The following ZRANB3 variants were observed in gnomAD, a reference collection of about 807,000 sequenced individuals.
The protein encoded by ZRANB3 is DNA annealing helicase and endonuclease ZRANB3.
Under a neutral mutation model 133.8 loss-of-function variants are expected in ZRANB3, and 125 were observed. The ratio of observed to expected loss-of-function variants is 0.93; its 90% confidence interval spans 0.81 to 1.08. ZRANB3 has a LOEUF of 1.08. ZRANB3 is among the 50% of genes least tolerant of loss of function. The pLI is 0.00. For missense variants in ZRANB3, 1,229 were observed against 1,275.5 expected, an observed-to-expected ratio of 0.96 and a Z score of 0.56; for synonymous variants, 387 against 432.7, an observed-to-expected ratio of 0.89 and a Z score of 1.31.
intron 2 of ZRANB3, among the ~76,000 whole-genome samples, chr2:135,436,529 T>G (rs922677914): frequency 7.9e-5 from 12 of 151,980 alleles, no homozygotes; most frequent in African/African-American, 2.4e-4. Flanking sequence ...ACAAAAAGAA[T>G]AAAATACCTA....
chr2:135,220,621 C>A (rs1248197617), intron 15 of ZRANB3, among the ~76,000 whole-genome samples: 1 of 148,120 alleles, frequency 6.8e-6, no homozygotes, highest in Non-Finnish European at 1.5e-5. Context: ...TCGCTTGAAC[C>A]CGGGAGGCAG....
At chr2:135,415,172 G>A (rs1329134704) in intron 2 of ZRANB3, among the ~76,000 whole-genome samples, 4 of 148,744 alleles carry the variant, frequency 2.7e-5, no homozygotes, top group African/African-American at 4.9e-5. Context: ...CCAGGAGCTG[G>A]TTTTTTGAAC....
At chr2:135,304,664 G>A (rs919210461) in intron 8 of ZRANB3, among the ~76,000 whole-genome samples, 2 of 151,944 alleles carry the variant, frequency 1.3e-5, no homozygotes, top group Non-Finnish European at 2.9e-5. Flanking sequence ...TGAAACCATT[G>A]AGGCCTCAAA....
intron 3 of ZRANB3, among the ~76,000 whole-genome samples, chr2:135,361,842 C>G (rs1685707782): frequency 6.6e-6 from 1 of 152,136 alleles, no homozygotes; most frequent in African/African-American, 2.4e-5. Flanking sequence ...TGTTCTTGTA[C>G]ATTGTTAGTG....
intron 2 of ZRANB3, among the ~76,000 whole-genome samples, chr2:135,480,403 G>C (rs1691726015): frequency 6.6e-6 from 1 of 151,988 alleles, no homozygotes; most frequent in Non-Finnish European, 1.5e-5. Context: ...AATCTAGTCA[G>C]CCAAATAATA....
chr2:135,404,219 T>G (rs957287860), intron 2 of ZRANB3, among the ~76,000 whole-genome samples: 1 of 152,090 alleles, frequency 6.6e-6, no homozygotes, highest in Non-Finnish European at 1.5e-5. Context: ...ATTAGACGCA[T>G]GGCTAACTAG....
intron 2 of ZRANB3, among the ~76,000 whole-genome samples, chr2:135,401,192 T>A (rs1687714375): frequency 6.6e-6 from 1 of 151,384 alleles, no homozygotes; most frequent in Non-Finnish European, 1.5e-5. Flanking sequence ...ACGGAGAACA[T>A]CATACTCACG....
intron 2 of ZRANB3, among the ~76,000 whole-genome samples, chr2:135,494,791 AG>A (rs1158976921): frequency 2.0e-5 from 3 of 152,336 alleles, no homozygotes; most frequent in East Asian, 3.9e-4. Flanking sequence ...GTGTCATGAA[AG>A]GGTAAGGAAG....
chr2:135,466,765 C>T (rs1691019556), intron 2 of ZRANB3, among the ~76,000 whole-genome samples: 1 of 151,820 alleles, frequency 6.6e-6, no homozygotes, highest in Non-Finnish European at 1.5e-5. Context: ...ACAACCTCCA[C>T]CTCCCAGGCT....
At chr2:135,418,992 CAGTGG>C (rs1351611574) in intron 2 of ZRANB3, among the ~76,000 whole-genome samples, 1 of 122,546 alleles carries the variant, frequency 8.2e-6, no homozygotes, top group African/African-American at 3.1e-5. Context: ...GGCTGGAGTG[CAGTGG>C]TGCGATCTCG....
chr2:135,300,486 A>T (rs1341142399), intron 8 of ZRANB3, among the ~76,000 whole-genome samples: 2 of 152,204 alleles, frequency 1.3e-5, no homozygotes, highest in Admixed American at 1.3e-4. Context: ...TACAAAGAAA[A>T]TTTCTACTAT....
At chr2:135,455,926 C>T (rs998085276) in intron 2 of ZRANB3, among the ~76,000 whole-genome samples, 17 of 152,228 alleles carry the variant, frequency 1.1e-4, no homozygotes, top group African/African-American at 3.4e-4. Context: ...TTCAGCTTGC[C>T]AGTATCTCTA....
chr2:135,486,127 T>G (rs1437621038), intron 2 of ZRANB3, among the ~76,000 whole-genome samples: 1 of 152,142 alleles, frequency 6.6e-6, no homozygotes, highest in African/African-American at 2.4e-5. Flanking sequence ...TTCTTGAAAA[T>G]AAGGCAACAA....
intron 3 of ZRANB3, among the ~76,000 whole-genome samples, chr2:135,377,813 C>G (rs60819375): frequency 0.23 from 35,730 of 152,092 alleles, 6,478 homozygotes; most frequent in African/African-American, 0.49. Context: ...TCCTGGGTGT[C>G]TCTGTGAAGG....
At chr2:135,406,631 G>T (rs1254710796) in intron 2 of ZRANB3, among the ~76,000 whole-genome samples, 3 of 152,206 alleles carry the variant, frequency 2.0e-5, no homozygotes, top group Non-Finnish European at 4.4e-5. Context: ...CCATGATCAA[G>T]TGGGCTTCAT....
At chr2:135,263,839 G>A (rs533124872) in intron 12 of ZRANB3, among the ~76,000 whole-genome samples, 1 of 151,584 alleles carries the variant, frequency 6.6e-6, no homozygotes, top group African/African-American at 2.4e-5. Flanking sequence ...GCAGTGGCGT[G>A]ATCTCGGCTC....
intron 12 of ZRANB3, among the ~76,000 whole-genome samples, chr2:135,250,110 G>T (rs1385871533): frequency 1.3e-5 from 2 of 152,210 alleles, no homozygotes; most frequent in Non-Finnish European, 2.9e-5. Flanking sequence ...GGTGGTCTCA[G>T]ATGGGGATGA....
At chr2:135,438,054 C>T (rs559525894) in intron 2 of ZRANB3, among the ~76,000 whole-genome samples, 4 of 152,180 alleles carry the variant, frequency 2.6e-5, no homozygotes, top group Admixed American at 6.5e-5. Context: ...TTGGGCCTTC[C>T]GACTTGGACT....
intron 2 of ZRANB3, among the ~76,000 whole-genome samples, chr2:135,492,887 A>T (rs1480778112): frequency 6.6e-6 from 1 of 151,780 alleles, no homozygotes; most frequent in Non-Finnish European, 1.5e-5. Flanking sequence ...AAGGGTGACA[A>T]TAGAAAAAGG....
Sources: gnomAD v4.1 joint callset for allele counts (sites outside exome capture counted in the v4.1 genomes callset) on GRCh38, gnomAD v4.1.1 for gene constraint, MANE v1.5 for transcripts, NCBI Gene and HGNC (gene_info 2026-07-23, HGNC 2026-07-21) for gene names.